The following NF1 variants were observed in gnomAD, a reference collection of about 807,000 sequenced individuals.
NF1 encodes the protein neurofibromin.
In NF1, 122 loss-of-function variants were observed where a neutral mutation model predicts 325.7. The observed-to-expected ratio is 0.37, with a 90% CI of 0.32 to 0.44. The LOEUF is 0.44. Ranked by LOEUF, NF1 falls within the 20% of genes least tolerant of loss-of-function variation. The probability of loss-of-function intolerance (pLI) is 1.00; values close to 1 mark genes in which losing one functional copy is unlikely to be tolerated. For synonymous variants in NF1, 1,091 were observed against 1,186.0 expected, an observed-to-expected ratio of 0.92 and a Z score of 1.65; for missense variants, 2,140 against 3,415.4, an observed-to-expected ratio of 0.63 and a Z score of 9.31.
intron 29 of NF1, among the ~76,000 whole-genome samples, chr17:31,242,719 T>G (rs980900961): frequency 6.6e-6 from 1 of 152,188 alleles, no homozygotes; most frequent in South Asian, 2.1e-4. Flanking sequence ...TTCCTTGAGC[T>G]TCCTCAAAAC....
intron 54 of NF1, chr17:31,357,656 A>G (rs565812018): frequency 3.0e-5 from 14 of 461,290 alleles, no homozygotes; most frequent in East Asian, 3.0e-4. Flanking sequence ...TTAGACTGCT[A>G]TATCTAAATC....
At chr17:31,173,230 G>A (rs1232286648) in intron 5 of NF1, among the ~76,000 whole-genome samples, 1 of 152,130 alleles carries the variant, frequency 6.6e-6, no homozygotes, top group African/African-American at 2.4e-5. Flanking sequence ...CTAACACGGT[G>A]AAACACTGTC....
At chr17:31,312,518 CAAA>C (rs951056099) in intron 36 of NF1, among the ~76,000 whole-genome samples, 3 of 60,110 alleles carry the variant, frequency 5.0e-5, no homozygotes, top group African/African-American at 6.3e-5. Context: ...GACTCCATCT[CAAA>C]AAAAAAAAAA....
intron 1 of NF1, among the ~76,000 whole-genome samples, chr17:31,102,986 CA>C (rs1912490764): frequency 6.6e-6 from 1 of 151,632 alleles, no homozygotes; most frequent in South Asian, 2.1e-4. Flanking sequence ...GCTGGCATTA[CA>C]GGCACGTACT....
chr17:31,323,833 C>G (rs1479165351), intron 36 of NF1, among the ~76,000 whole-genome samples: 1 of 151,668 alleles, frequency 6.6e-6, no homozygotes, highest in Non-Finnish European at 1.5e-5. Flanking sequence ...TTGTGTTAAT[C>G]TCTCTCTCTC....
At chr17:31,356,856 G>GT in intron 52 of NF1, 104 bp from the exon 53 acceptor site, 2 of 1,481,158 alleles carry the variant, frequency 1.4e-6, no homozygotes, top group Non-Finnish European at 1.9e-6. Context: ...AGTATTTTAA[G>GT]TATCTACTAA....
At chr17:31,165,983 A>G (rs914605561) in intron 4 of NF1, among the ~76,000 whole-genome samples, 5 of 152,188 alleles carry the variant, frequency 3.3e-5, no homozygotes, top group South Asian at 2.1e-4. Context: ...GTGAGCTACC[A>G]TGCCTGGCTG....
chr17:31,187,671 G>A (rs1254138022), intron 8 of NF1, among the ~76,000 whole-genome samples: 1 of 152,126 alleles, frequency 6.6e-6, no homozygotes, highest in Non-Finnish European at 1.5e-5. Flanking sequence ...ATATGGTACT[G>A]TTTCTCCCAT....
intron 20 of NF1, among the ~76,000 whole-genome samples, chr17:31,228,376 C>T (rs1340604780): frequency 2.0e-5 from 3 of 152,064 alleles, no homozygotes; most frequent in Non-Finnish European, 4.4e-5. Flanking sequence ...AATGTGTGTA[C>T]CTAATACCTT....
intron 36 of NF1, chr17:31,314,284 T>C (rs987643903): frequency 1.0e-5 from 3 of 299,060 alleles, no homozygotes; most frequent in African/African-American, 6.5e-5. Context: ...AGTAATATGA[T>C]TATGTAAATT....
At position 31,292,217 on chromosome 17, in the gene NF1, T is replaced by C. The variant is rs77732957; in HGVS notation, c.4835+26878T>C. 9.5e-3 allele frequency among the ~76,000 whole-genome samples: 1,441 copies of C among 152,262 alleles called. 24 individuals are homozygous for C. Among genetic ancestry groups the C allele is most frequent in the African/African-American group, 0.033 (1,356 of 41,536 alleles). On this transcript the variant is annotated intron_variant, in intron 36 of 57. Coordinates refer to ENST00000358273, the MANE Select transcript of NF1 (RefSeq NM_001042492.3). Reference sequence around the variant, plus strand: ...AGAGATGGATGGGTGAAGATAGATATAGATGTATGTGTATATAGGTATGTG... The same window carrying C: ...AGAGATGGATGGGTGAAGATAGATACAGATGTATGTGTATATAGGTATGTG...
intron 1 of NF1, among the ~76,000 whole-genome samples, chr17:31,103,937 C>G (rs957142424): frequency 3.3e-5 from 5 of 152,048 alleles, no homozygotes; most frequent in African/African-American, 1.2e-4. Flanking sequence ...GTCAGGATTG[C>G]TTGAGCCCAG....
chr17:31,303,200 C>T (rs986098762), intron 36 of NF1, among the ~76,000 whole-genome samples: 13 of 152,206 alleles, frequency 8.5e-5, no homozygotes, highest in African/African-American at 2.6e-4. Flanking sequence ...GCTTGTTTCC[C>T]CCTGGAGTTA....
At chr17:31,332,015 A>T (rs1030922805) in intron 39 of NF1, 5 of 151,170 alleles carry the variant, frequency 3.3e-5, no homozygotes, top group Non-Finnish European at 7.4e-5. Context: ...TAGATGAGTA[A>T]GGACATATGA....
At chr17:31,117,553 G>T (rs1347056233) in intron 1 of NF1, among the ~76,000 whole-genome samples, 1 of 150,608 alleles carries the variant, frequency 6.6e-6, no homozygotes, top group Non-Finnish European at 1.5e-5. Context: ...GGCTCCTGTA[G>T]TCCTAGCTAC....
intron 47 of NF1, among the ~76,000 whole-genome samples, chr17:31,341,716 T>A (rs1023816476): frequency 1.3e-5 from 2 of 151,628 alleles, no homozygotes; most frequent in Non-Finnish European, 2.9e-5. Flanking sequence ...CACGTGTGCA[T>A]GTGTGTGTGT....
chr17:31,127,800 A>G (rs1915010157), intron 1 of NF1, among the ~76,000 whole-genome samples: 1 of 152,102 alleles, frequency 6.6e-6, no homozygotes, highest in Non-Finnish European at 1.5e-5. Context: ...TGGATGATCT[A>G]CAAATAGTTG....
At chr17:31,112,565 A>T (rs1913508780) in intron 1 of NF1, among the ~76,000 whole-genome samples, 1 of 152,032 alleles carries the variant, frequency 6.6e-6, no homozygotes, top group African/African-American at 2.4e-5. Context: ...TCATGTGCTT[A>T]TTTACCATCT....
At chr17:31,126,161 C>T (rs2143425844) in intron 1 of NF1, among the ~76,000 whole-genome samples, 1 of 151,784 alleles carries the variant, frequency 6.6e-6, no homozygotes, top group Non-Finnish European at 1.5e-5. Context: ...GCACTCCAGC[C>T]TGGGCAACAA....
Sources: gnomAD v4.1 joint callset for allele counts (sites outside exome capture counted in the v4.1 genomes callset) on GRCh38, gnomAD v4.1.1 for gene constraint, MANE v1.5 for transcripts, NCBI Gene and HGNC (gene_info 2026-07-23, HGNC 2026-07-21) for gene names.